Variants in CUL4A observed in about 807,000 individuals in gnomAD.
CUL4A encodes the protein cullin 4A.
Under a neutral mutation model 95.5 loss-of-function variants are expected in CUL4A, and 16 were observed. That is an observed-to-expected ratio of 0.17 (90% confidence interval 0.11 to 0.25). CUL4A has a LOEUF of 0.25. Among genes scored for constraint, CUL4A ranks in the 10% least tolerant of loss-of-function variants. The probability of loss-of-function intolerance (pLI) is 1.00; values close to 1 mark genes in which losing one functional copy is unlikely to be tolerated. For missense variants in CUL4A, 610 were observed against 937.0 expected (o/e 0.65, Z 4.56); for synonymous variants, 380 against 353.1 (o/e 1.08, Z -0.85).
Position 113,260,584 on chromosome 13 carries a change from CT to C in CUL4A, c.2032-14del, listed in dbSNP as rs762522828. The C allele has an allele frequency of 5.7e-5, 90 of 1,568,494 alleles. No homozygotes were observed. In the Admixed American group the frequency reaches 1.0e-3, roughly 18 times the overall value. Reference sequence around the variant, plus strand: ...AAAGAAAATACAGTTTTACACTTAACTTTTTTTTTCTTTTTTATACAGGTTG... The same window carrying C: ...AAAGAAAATACAGTTTTACACTTAACTTTTTTTTCTTTTTTATACAGGTTG... On this transcript the variant is annotated intron_variant, in intron 18 of 19. Transcript: ENST00000375440.
rs1417395177 is a variant in CUL4A at position 113,244,109 on chromosome 13, T to C, written c.1229-301T>C. ...TCCAGCGTCCGGGGCAGTCACGTCC[T>C]GAAACCTGAGCATGTATTTGCTGAA... is the stretch of plus-strand genomic sequence containing the variant. On this transcript the variant is annotated intron_variant, in intron 11 of 19. Transcript: ENST00000375440. 6 of 255,610 alleles carry C rather than the reference T, an allele frequency of 2.3e-5. No homozygotes were observed. The East Asian group carries it at 5.3e-4, about 22-fold the overall frequency. 15.8% of individuals were successfully genotyped at this position (255,610 alleles called of 1,614,324 possible).
rs527880109 is a variant in CUL4A, at chr13:113,209,825, AC to A, written c.148+51del. On this transcript the variant is annotated intron_variant, in intron 1 of 19. Coordinates refer to ENST00000375440, the MANE Select transcript of CUL4A (RefSeq NM_001008895.4). ...GCCAGGCGCCCCGGGCGGGGACCCC[AC>A]GAGACCCCGCCCGACTTGGGGGGAA... 1.3e-3 allele frequency: 1,440 copies of A among 1,092,410 alleles called. 16 individuals are homozygous for A. In the African/African-American group the frequency reaches 0.023, roughly 17 times the overall value. The allele number at this position is 1,092,410 out of a possible 1,614,324, so 67.7% of individuals were successfully genotyped here.
At position 113,239,632 on chromosome 13, in the gene CUL4A, C is replaced by G. The variant is rs1451258442; in HGVS notation, c.1035+81C>G. 7 of 1,055,510 alleles carry G rather than the reference C, an allele frequency of 6.6e-6. No homozygotes were observed. In the East Asian group the frequency reaches 1.5e-4, roughly 23 times the overall value. The allele number at this position is 1,055,510 out of a possible 1,614,324, so 65.4% of individuals were successfully genotyped here. On this transcript the variant is annotated intron_variant, in intron 10 of 19. Coordinates refer to ENST00000375440, the MANE Select transcript of CUL4A (RefSeq NM_001008895.4). ...CCCTCCTGAGAACGCCTAGTGTGCC[C>G]TGGCAAAGGGAACTGGGCTGCTGGA...
At chr13:113,234,922 T>C in intron 7 of CUL4A, 141 bp from the exon 8 acceptor site, 1 of 618,628 alleles carries the variant, frequency 1.6e-6, no homozygotes. Flanking sequence ...TCTCCCTCCC[T>C]GTTAATCTGT....
intron 2 of CUL4A, among the ~76,000 whole-genome samples, chr13:113,216,199 T>C (rs1021615769): frequency 6.6e-6 from 1 of 151,760 alleles, no homozygotes; most frequent in South Asian, 2.1e-4. Flanking sequence ...TGTGGAGGTC[T>C]CTGTGTGACT....
chr13:113,253,041 T>C (rs2042034008), intron 15 of CUL4A, 41 bp from the exon 16 acceptor site: 1 of 955,576 alleles, frequency 1.0e-6, no homozygotes, highest in East Asian at 2.6e-5. Context: ...TTGAGATGGA[T>C]GGTGTGTGGC....
intron 18 of CUL4A, among the ~76,000 whole-genome samples, chr13:113,260,203 C>A (rs375020600): frequency 3.6e-3 from 45 of 12,490 alleles, no homozygotes; most frequent in East Asian, 0.014. Flanking sequence ...GACTCCGTCT[C>A]AAAAAAAAAA....
At chr13:113,262,390 G>T (rs1269129036) in intron 19 of CUL4A, among the ~76,000 whole-genome samples, 1 of 152,114 alleles carries the variant, frequency 6.6e-6, no homozygotes, top group African/African-American at 2.4e-5. Flanking sequence ...ACTGCCTCAC[G>T]CCAGCGATCC....
chr13:113,208,791 A>T, upstream of CUL4A: 3 of 1,418,652 alleles, frequency 2.1e-6, no homozygotes, highest in Admixed American at 2.9e-5. Context: ...CGGCTCGGCG[A>T]CGCGCTCGGG....
At chr13:113,253,798 C>T (rs1378289837) in intron 16 of CUL4A, among the ~76,000 whole-genome samples, 4 of 152,098 alleles carry the variant, frequency 2.6e-5, no homozygotes, top group African/African-American at 4.8e-5. Flanking sequence ...GGGGAGAATG[C>T]ATACAATGCA....
intron 2 of CUL4A, 49 bp from the exon 3 acceptor site, chr13:113,218,896 C>A (rs751631994): frequency 2.7e-5 from 36 of 1,333,852 alleles, no homozygotes; most frequent in Non-Finnish European, 3.8e-5. Flanking sequence ...TTTTTATGAA[C>A]CAATCTGTTG....
intron 2 of CUL4A, among the ~76,000 whole-genome samples, chr13:113,216,579 C>T (rs2040701400): frequency 6.6e-6 from 1 of 152,236 alleles, no homozygotes; most frequent in Non-Finnish European, 1.5e-5. Flanking sequence ...CATTCCTTTT[C>T]TCTGGGGTGA....
At chr13:113,216,555 C>T (rs1321141970) in intron 2 of CUL4A, among the ~76,000 whole-genome samples, 1 of 152,166 alleles carries the variant, frequency 6.6e-6, no homozygotes, top group Admixed American at 6.5e-5. Context: ...TCTCTACCTC[C>T]GATCATTGGA....
chr13:113,224,074 A>C (rs533902945), intron 3 of CUL4A, among the ~76,000 whole-genome samples: 1 of 152,144 alleles, frequency 6.6e-6, no homozygotes, highest in Non-Finnish European at 1.5e-5. Flanking sequence ...TCAAGCCCGC[A>C]GAGTGCGGTG....
At chr13:113,252,391 A>G (rs1450300970) in intron 15 of CUL4A, among the ~76,000 whole-genome samples, 2 of 151,994 alleles carry the variant, frequency 1.3e-5, no homozygotes, top group Non-Finnish European at 1.5e-5. Context: ...AACAACAAAA[A>G]TCAACGGGCT....
chr13:113,233,945 T>G lies in CUL4A; in HGVS notation c.724T>G (p.Leu242Val). 6.2e-7 allele frequency: 1 copy of G among 1,612,168 alleles called. No individual in the cohort carries two copies. The highest frequency in any genetic ancestry group is 8.5e-7 in the Non-Finnish European group (1 of 1,178,612). ...ELKFLEETNC[L>V]YAAEGQRLMQ... The stretch of plus-strand genomic sequence containing the variant: ...GAAATTTTTGGAAGAGACTAATTGC[T>G]TATATGCTGCCGAAGGCCAAAGGTT... The change falls in exon 7 of 20, where the codon TTA becomes GTA. Residue 242 changes from leucine (L) to valine (V), a missense_variant. Physicochemically the swap from Leu to Val is conservative, Grantham distance 32. Coordinates refer to ENST00000375440, the MANE Select transcript of CUL4A (RefSeq NM_001008895.4).
intron 2 of CUL4A, among the ~76,000 whole-genome samples, chr13:113,217,359 T>G (rs1595353454): frequency 1.3e-5 from 2 of 152,330 alleles, no homozygotes; most frequent in East Asian, 3.9e-4. Context: ...GGAGTTAAAG[T>G]AAATACAGAA....
intron 10 of CUL4A, among the ~76,000 whole-genome samples, chr13:113,241,152 T>C (rs1203590366): frequency 6.6e-6 from 1 of 152,130 alleles, no homozygotes; most frequent in Non-Finnish European, 1.5e-5. Context: ...CACACTAAAT[T>C]GGCCATAAAG....
chr13:113,244,389 A>G, intron 11 of CUL4A, 21 bp from the exon 12 acceptor site: 2 of 1,563,802 alleles, frequency 1.3e-6, no homozygotes, highest in Non-Finnish European at 1.8e-6. Context: ...TAGAGTATTT[A>G]CTATATGTTT....
Sources: allele counts gnomAD v4.1 joint callset (sites outside exome capture counted in the v4.1 genomes callset), GRCh38; gene constraint gnomAD v4.1.1; transcripts MANE v1.5; gene names NCBI Gene and HGNC (gene_info 2026-07-23, HGNC 2026-07-21).